Variants in PLCL2 observed in about 807,000 individuals in gnomAD.
PLCL2 encodes the protein inactive phospholipase C-like protein 2.
PLCL2 carries 4 observed loss-of-function variants against 79.6 expected under a neutral mutation model. The ratio of observed to expected loss-of-function variants is 0.05; its 90% CI spans 0.02 to 0.11. The LOEUF (loss-of-function observed/expected upper bound fraction) is 0.11. Among genes scored for constraint, PLCL2 ranks in the 10% least tolerant of loss-of-function variants. The pLI is 1.00. For missense variants in PLCL2, 895 were observed against 1,291.0 expected (o/e 0.69, Z 4.70); for synonymous variants, 484 against 457.7 (o/e 1.06, Z -0.73).
intron 1 of PLCL2, among the ~76,000 whole-genome samples, chr3:16,911,561 A>G (rs534004846): frequency 6.6e-6 from 1 of 152,306 alleles, no homozygotes; most frequent in South Asian, 2.1e-4. Flanking sequence ...TTTAAGAAAG[A>G]GGAGTTCAGT....
chr3:16,956,089 G>T (rs1438901795), intron 1 of PLCL2, among the ~76,000 whole-genome samples: 1 of 152,182 alleles, frequency 6.6e-6, no homozygotes, highest in Admixed American at 6.5e-5. Flanking sequence ...GTGAGAGAGG[G>T]CATGCCTGTC....
chr3:16,953,115 G>A (rs772648862), intron 1 of PLCL2, among the ~76,000 whole-genome samples: 1 of 152,116 alleles, frequency 6.6e-6, no homozygotes, highest in Non-Finnish European at 1.5e-5. Flanking sequence ...GGAGCTTTAT[G>A]GGTAATGACA....
intron 1 of PLCL2, among the ~76,000 whole-genome samples, chr3:16,980,864 G>A (rs908798999): frequency 1.3e-5 from 2 of 152,230 alleles, no homozygotes; most frequent in Non-Finnish European, 2.9e-5. Flanking sequence ...CTGAGTGAAC[G>A]AGACTCCGTC....
At position 16,942,513 on chromosome 3, in the gene PLCL2, C is replaced by T. The variant is rs17272747; in HGVS notation, c.327+57147C>T. 8.0e-3 allele frequency among the ~76,000 whole-genome samples: 1,219 copies of T among 152,244 alleles called. 14 individuals are homozygous for T. The highest frequency in any genetic ancestry group is 0.011 in the Non-Finnish European group (733 of 68,016). On this transcript the variant is annotated intron_variant, in intron 1 of 5. Transcript: ENST00000615277. ...GTGCTCACTGATGGATTTTCAGCAC[C>T]GAAGCACATGGCAGGAGATGCGGGA...
chr3:17,071,058 A>G (rs1244784037), intron 5 of PLCL2, among the ~76,000 whole-genome samples: 1 of 152,090 alleles, frequency 6.6e-6, no homozygotes, highest in East Asian at 1.9e-4. Context: ...TTCTTGGGGG[A>G]TTCTGAGGCA....
chr3:17,015,118 C>A (rs990675358), intron 3 of PLCL2, among the ~76,000 whole-genome samples: 3 of 152,202 alleles, frequency 2.0e-5, no homozygotes, highest in Non-Finnish European at 4.4e-5. Context: ...CAGAGACACT[C>A]ACCTCAGTTG....
At chr3:16,971,891 A>G (rs887811058) in intron 1 of PLCL2, among the ~76,000 whole-genome samples, 1 of 152,176 alleles carries the variant, frequency 6.6e-6, no homozygotes, top group Non-Finnish European at 1.5e-5. Flanking sequence ...ATTTTCGTAC[A>G]TTGATTCCAG....
At chr3:17,017,451 A>G (rs947119163) in intron 3 of PLCL2, among the ~76,000 whole-genome samples, 1 of 152,170 alleles carries the variant, frequency 6.6e-6, no homozygotes. Context: ...TTAGTGACTT[A>G]ATGGTTTCTT....
chr3:17,005,475 A>T (rs1023587387), intron 1 of PLCL2, among the ~76,000 whole-genome samples: 2 of 152,200 alleles, frequency 1.3e-5, no homozygotes, highest in African/African-American at 4.8e-5. Flanking sequence ...ATTTTTAGTG[A>T]CAGCCTTCTA....
At chr3:17,036,943 G>A (rs1401012433) in intron 3 of PLCL2, among the ~76,000 whole-genome samples, 1 of 152,140 alleles carries the variant, frequency 6.6e-6, no homozygotes, top group Non-Finnish European at 1.5e-5. Context: ...TAATCCCATT[G>A]ACTAGGAAGG....
intron 1 of PLCL2, among the ~76,000 whole-genome samples, chr3:16,965,468 T>G (rs2063797903): frequency 6.6e-6 from 1 of 152,008 alleles, no homozygotes; most frequent in Non-Finnish European, 1.5e-5. Flanking sequence ...GCCTCCAGCT[T>G]TGTTCTTTTG....
chr3:16,948,034 T>C (rs1016206686), intron 1 of PLCL2, among the ~76,000 whole-genome samples: 1 of 152,254 alleles, frequency 6.6e-6, no homozygotes, highest in South Asian at 2.1e-4. Flanking sequence ...CATTGAGTTG[T>C]TTTTCTTAAA....
At chr3:16,976,169 C>A (rs372459953) in intron 1 of PLCL2, among the ~76,000 whole-genome samples, 2 of 152,204 alleles carry the variant, frequency 1.3e-5, no homozygotes, top group East Asian at 3.9e-4. Context: ...CAGAGTTCTA[C>A]AGAAAAACAG....
intron 2 of PLCL2, 57 bp from the exon 3 acceptor site, chr3:17,014,651 C>A: frequency 7.8e-7 from 1 of 1,289,456 alleles, no homozygotes; most frequent in Non-Finnish European, 1.1e-6. Flanking sequence ...ATATAATATC[C>A]ATGAGAAAGT....
At chr3:17,030,129 G>A (rs1003495570) in intron 3 of PLCL2, among the ~76,000 whole-genome samples, 1 of 152,058 alleles carries the variant, frequency 6.6e-6, no homozygotes, top group Admixed American at 6.6e-5. Flanking sequence ...GTCTCGCTAT[G>A]TTACCCAGGC....
chr3:16,998,454 T>C (rs2064175904), intron 1 of PLCL2, among the ~76,000 whole-genome samples: 1 of 152,328 alleles, frequency 6.6e-6, no homozygotes, highest in African/African-American at 2.4e-5. Flanking sequence ...AAACTACATA[T>C]CCACAGTTGA....
intron 1 of PLCL2, among the ~76,000 whole-genome samples, chr3:16,985,606 G>A (rs2064042059): frequency 6.6e-6 from 1 of 152,098 alleles, no homozygotes; most frequent in African/African-American, 2.4e-5. Context: ...CAATGCTTTT[G>A]TCTCCAAAAA....
At chr3:17,014,221 A>G (rs899457992) in intron 2 of PLCL2, among the ~76,000 whole-genome samples, 2 of 152,248 alleles carry the variant, frequency 1.3e-5, no homozygotes, top group Non-Finnish European at 2.9e-5. Flanking sequence ...AAGGTTCTTT[A>G]GATTTTGAGC....
At chr3:16,936,700 G>A (rs1449771032) in intron 1 of PLCL2, among the ~76,000 whole-genome samples, 1 of 152,022 alleles carries the variant, frequency 6.6e-6, no homozygotes, top group African/African-American at 2.4e-5. Context: ...TATTAACTAT[G>A]AAAATAATAT....
Sources: allele counts gnomAD v4.1 joint callset (sites outside exome capture counted in the v4.1 genomes callset), GRCh38; gene constraint gnomAD v4.1.1; transcripts MANE v1.5; gene names NCBI Gene and HGNC (gene_info 2026-07-23, HGNC 2026-07-21).